Variants in ABI3BP observed in about 807,000 individuals in gnomAD.
The protein encoded by ABI3BP is target of Nesh-SH3.
A neutral mutation model predicts 268.6 loss-of-function variants in ABI3BP; 216 were observed. That is an observed-to-expected ratio of 0.80 (90% CI 0.72 to 0.90). The LOEUF is 0.90. ABI3BP is among the 40% of genes least tolerant of loss of function. The pLI is 0.00. For missense variants in ABI3BP, 2,090 were observed against 2,182.4 expected (o/e 0.96, Z 0.84); for synonymous variants, 730 against 730.0 (o/e 1.00, Z 0.00).
intron 1 of ABI3BP, among the ~76,000 whole-genome samples, chr3:100,977,490 C>T (rs114876096): frequency 6.2e-4 from 94 of 152,248 alleles, no homozygotes; most frequent in South Asian, 4.6e-3. Context: ...TGGCTCACTC[C>T]GATGGCTAGC....
At chr3:100,972,932 G>A (rs1003888126) in intron 1 of ABI3BP, among the ~76,000 whole-genome samples, 1 of 152,178 alleles carries the variant, frequency 6.6e-6, no homozygotes, top group Non-Finnish European at 1.5e-5. Flanking sequence ...CACCCAATGT[G>A]CATGTTCCTG....
intron 57 of ABI3BP, among the ~76,000 whole-genome samples, chr3:100,780,941 A>T (rs1487678911): frequency 1.3e-5 from 2 of 152,224 alleles, no homozygotes; most frequent in East Asian, 3.8e-4. Flanking sequence ...TATTTTAAAA[A>T]TTATTCTTTG....
intron 2 of ABI3BP, 84 bp from the exon 3 acceptor site, chr3:100,902,770 C>A: frequency 2.7e-6 from 3 of 1,120,272 alleles, no homozygotes; most frequent in Non-Finnish European, 3.9e-6. Context: ...ATTCAGCATT[C>A]CCTGAGTCAT....
chr3:100,976,061 AAAC>A (rs1562227788), intron 1 of ABI3BP, among the ~76,000 whole-genome samples: 1 of 152,180 alleles, frequency 6.6e-6, no homozygotes. Context: ...ATCATTTTAT[AAAC>A]AATAGTATTT....
intron 18 of ABI3BP, among the ~76,000 whole-genome samples, chr3:100,848,393 G>C (rs1273869195): frequency 1.3e-5 from 2 of 151,986 alleles, no homozygotes; most frequent in Non-Finnish European, 2.9e-5. Flanking sequence ...GGACACTTGA[G>C]TTTTGTTATT....
chr3:100,767,582 G>A (rs1415990111), intron 62 of ABI3BP, among the ~76,000 whole-genome samples: 5 of 149,344 alleles, frequency 3.3e-5, no homozygotes, highest in Non-Finnish European at 7.4e-5. Flanking sequence ...GACTTAAAAT[G>A]CAAGTAAAAT....
rs561042952 is a variant in ABI3BP at position 100,965,270 on chromosome 3, G to A, written c.79+28036C>T. ...ATGCCATCTTTTTCAAGTCCCATTT[G>A]CCTCAAGGACTAAGAAAATTTAGAA... On this transcript the variant is annotated intron_variant, in intron 1 of 67. Transcript: ENST00000471714. 3.9e-5 allele frequency among the ~76,000 whole-genome samples: 6 copies of A among 152,238 alleles called. No individual in the cohort carries two copies. The East Asian group carries it at 1.2e-3, about 29-fold the overall frequency.
chr3:100,775,607 A>G (rs1186513485), intron 59 of ABI3BP, among the ~76,000 whole-genome samples: 2 of 152,134 alleles, frequency 1.3e-5, no homozygotes, highest in African/African-American at 2.4e-5. Context: ...GTGAGGAAAG[A>G]TGGAGGGTTG....
At chr3:100,785,981 GATGA>G (rs1285449670) in intron 57 of ABI3BP, among the ~76,000 whole-genome samples, 4 of 152,118 alleles carry the variant, frequency 2.6e-5, no homozygotes, top group Non-Finnish European at 2.9e-5. Context: ...GCATTCCTAG[GATGA>G]ATTCCATTTG....
chr3:100,775,215 T>A lies in ABI3BP; in HGVS notation c.4454A>T (p.Glu1485Val). 4.3e-6 allele frequency: 7 copies of A among 1,612,856 alleles called. No individual in the cohort carries two copies. The highest frequency in any genetic ancestry group is 5.9e-6 in the Non-Finnish European group (7 of 1,179,452). ...IKQPTVPASG[E>V]ELENITDFSS... ...CTGATGGCCATACGAACCCAGTTCT[T>A]CTCCAGAGGCAGGAACTGTTGGTTG... Residue 1485 changes from glutamate (E) to valine (V), a missense_variant, in exon 60 of 68, where the codon GAA becomes GTA. Glu to Val is a moderately radical substitution (Grantham distance 121, BLOSUM62 -2). Transcript: ENST00000471714.
At chr3:100,976,461 CT>C (rs949076402) in intron 1 of ABI3BP, among the ~76,000 whole-genome samples, 2 of 152,124 alleles carry the variant, frequency 1.3e-5, no homozygotes, top group Non-Finnish European at 2.9e-5. Context: ...GTATTCCTTC[CT>C]CAGTTTAGCA....
At chr3:100,835,026 T>C (rs1000293907) in intron 28 of ABI3BP, among the ~76,000 whole-genome samples, 2 of 152,216 alleles carry the variant, frequency 1.3e-5, no homozygotes, top group South Asian at 4.1e-4. Flanking sequence ...GTATAGGATT[T>C]TCAAAGAGGG....
chr3:100,784,375 A>C (rs2096961337), intron 57 of ABI3BP, among the ~76,000 whole-genome samples: 1 of 152,182 alleles, frequency 6.6e-6, no homozygotes, highest in Non-Finnish European at 1.5e-5. Context: ...GTCAAAAAAC[A>C]ATAGATGAGA....
chr3:100,819,965 A>AAAAAG, intron 40 of ABI3BP, among the ~76,000 whole-genome samples: 1 of 145,924 alleles, frequency 6.9e-6, no homozygotes, highest in Non-Finnish European at 1.6e-5. Context: ...AAAAAAAAAA[A>AAAAAG]AAAAGAAAGA....
intron 63 of ABI3BP, among the ~76,000 whole-genome samples, chr3:100,755,029 T>G (rs2095541829): frequency 6.6e-6 from 1 of 152,100 alleles, no homozygotes; most frequent in Non-Finnish European, 1.5e-5. Flanking sequence ...AGGAGCCTGT[T>G]TCTTTAAGAT....
intron 4 of ABI3BP, among the ~76,000 whole-genome samples, chr3:100,894,117 G>T (rs2046041180): frequency 6.6e-6 from 1 of 152,048 alleles, no homozygotes; most frequent in South Asian, 2.1e-4. Context: ...AATGGACAAG[G>T]AGAAGACACA....
chr3:100,824,058 C>G (rs556613964), intron 36 of ABI3BP, among the ~76,000 whole-genome samples: 1 of 152,294 alleles, frequency 6.6e-6, no homozygotes, highest in East Asian at 1.9e-4. Context: ...GGTGGTCACT[C>G]AGCCTGTAAT....
intron 2 of ABI3BP, chr3:100,911,770 T>A (rs1170460012): frequency 9.3e-6 from 10 of 1,080,594 alleles, no homozygotes; most frequent in Admixed American, 1.7e-5. Flanking sequence ...TAGCTTTCTG[T>A]TATTATACTT....
At position 100,842,009 on chromosome 3, in the gene ABI3BP, T is replaced by A. The variant is rs2098712166; in HGVS notation, c.1754A>T (p.Gln585Leu). 6 of 1,534,440 alleles carry A rather than the reference T, an allele frequency of 3.9e-6. No individual in the cohort carries two copies. Among genetic ancestry groups the A allele is most frequent in the Non-Finnish European group, 4.4e-6 (5 of 1,145,634 alleles). ...APEPQTLLPS[Q>L]STIGPETPGT... is the part of the protein sequence containing the mutation. ...AAAAGCTTTATTACCTATTGTTGAC[T>A]GTGATGGCAGTAGAGTCTGAGGTTC... Residue 585 changes from glutamine (Q) to leucine (L), a missense_variant, in exon 21 of 68, where the codon CAG becomes CTG. Physicochemically the swap from Gln to Leu is moderately radical, Grantham distance 113. Coordinates refer to ENST00000471714, the MANE Select transcript of ABI3BP (RefSeq NM_001375547.2).
Sources: gnomAD v4.1 joint callset for allele counts (sites outside exome capture counted in the v4.1 genomes callset) on GRCh38, gnomAD v4.1.1 for gene constraint, MANE v1.5 for transcripts, NCBI Gene and HGNC (gene_info 2026-07-23, HGNC 2026-07-21) for gene names.